The following CRISP3 variants were observed in gnomAD, a reference collection of about 807,000 sequenced individuals.
CRISP3 encodes cysteine-rich secretory protein 3.
CRISP3 carries 33 observed loss-of-function variants against 36.1 expected under a neutral mutation model. The observed-to-expected ratio is 0.91, with a 90% confidence interval of 0.69 to 1.22. CRISP3 has a LOEUF of 1.22. Ranked by LOEUF, CRISP3 falls within the 50% of genes most tolerant of loss-of-function variation. The pLI, the probability that CRISP3 is intolerant of heterozygous loss-of-function variation, is 0.00. For synonymous variants in CRISP3, 117 were observed against 104.6 expected (o/e 1.12, Z -0.72); for missense variants, 330 against 301.2 (o/e 1.10, Z -0.71).
chr6:49,743,349 A>G (rs1769254363), intron 1 of CRISP3, among the ~76,000 whole-genome samples: 1 of 152,182 alleles, frequency 6.6e-6, no homozygotes. Context: ...TAACTTATCA[A>G]TGTAGGGTAA....
At chr6:49,741,513 C>G (rs921151925) in intron 1 of CRISP3, among the ~76,000 whole-genome samples, 2 of 149,718 alleles carry the variant, frequency 1.3e-5, no homozygotes, top group Non-Finnish European at 3.0e-5. Context: ...AAGAATAATT[C>G]AAAATTAGAA....
rs560259322 is a variant in CRISP3 at position 49,731,234 on chromosome 6, C to T, written c.578G>A (p.Arg193Lys). 4 of 1,597,100 alleles carry T rather than the reference C, an allele frequency of 2.5e-6. No homozygotes were observed. The highest frequency in any genetic ancestry group is 1.2e-5 in the South Asian group (1 of 86,602). Reference protein sequence around the residue: ...QYCPAGNWANRLYVPYEQGAP... With the variant: ...QYCPAGNWANKLYVPYEQGAP... The stretch of plus-strand genomic sequence containing the variant: ...TCCTTGTTCATAAGGGACATATAGT[C>T]TATTAGCCCAATTACCACTGAAATT... Residue 193 changes from arginine to lysine, a missense_variant, in exon 7 of 8, where the codon AGA becomes AAA. By Grantham distance (26) the Arg-to-Lys change is conservative (BLOSUM62 2). Transcript: ENST00000263045.
At chr6:49,739,114 A>T (rs999070912) in intron 1 of CRISP3, among the ~76,000 whole-genome samples, 1 of 152,246 alleles carries the variant, frequency 6.6e-6, no homozygotes, top group South Asian at 2.1e-4. Flanking sequence ...AAATAACTTA[A>T]CCTGGCCCTG....
chr6:49,741,151 C>A (rs868355786), intron 1 of CRISP3, among the ~76,000 whole-genome samples: 11 of 135,414 alleles, frequency 8.1e-5, no homozygotes, highest in South Asian at 2.3e-4. Context: ...AAAAAACCAC[C>A]AAAAAAAAAA....
chr6:49,743,738 A>G (rs1417097543), intron 1 of CRISP3, among the ~76,000 whole-genome samples: 1 of 152,230 alleles, frequency 6.6e-6, no homozygotes, highest in East Asian at 1.9e-4. Context: ...CTACATAAAC[A>G]TGACTGAGTA....
At chr6:49,743,110 C>T (rs1409604545) in intron 1 of CRISP3, among the ~76,000 whole-genome samples, 1 of 152,190 alleles carries the variant, frequency 6.6e-6, no homozygotes, top group Non-Finnish European at 1.5e-5. Flanking sequence ...AACTGCTAGA[C>T]TTCATCAAGT....
intron 2 of CRISP3, 39 bp from the exon 3 acceptor site, chr6:49,736,546 T>C (rs746666353): frequency 7.1e-7 from 1 of 1,411,218 alleles, no homozygotes. Flanking sequence ...TTTAACATTG[T>C]TGGAAATTGC....
chr6:49,738,916 A>G (rs1472285347), intron 1 of CRISP3, among the ~76,000 whole-genome samples: 1 of 152,194 alleles, frequency 6.6e-6, no homozygotes, highest in Admixed American at 6.5e-5. Context: ...TGGAAGAACA[A>G]GAAAATGGGA....
intron 2 of CRISP3, 148 bp downstream of exon 2, chr6:49,737,177 T>C: frequency 1.6e-6 from 1 of 607,050 alleles, no homozygotes; most frequent in Non-Finnish European, 2.9e-6. Flanking sequence ...GCTTTAAACA[T>C]AATTATGTTA....
At chr6:49,743,080 C>A (rs1383432949) in intron 1 of CRISP3, among the ~76,000 whole-genome samples, 1 of 152,098 alleles carries the variant, frequency 6.6e-6, no homozygotes, top group Non-Finnish European at 1.5e-5. Flanking sequence ...GCAGCCTATG[C>A]CAATATGCAA....
At chr6:49,742,256 C>T (rs1379648501) in intron 1 of CRISP3, among the ~76,000 whole-genome samples, 1 of 152,116 alleles carries the variant, frequency 6.6e-6, no homozygotes, top group Non-Finnish European at 1.5e-5. Context: ...ATAAAGATAT[C>T]AATCCTAAAC....
intron 1 of CRISP3, among the ~76,000 whole-genome samples, chr6:49,743,175 G>C (rs1393443144): frequency 6.6e-6 from 1 of 152,106 alleles, no homozygotes; most frequent in Non-Finnish European, 1.5e-5. Context: ...TTCTTGAGAA[G>C]CACTTTTTTT....
chr6:49,735,524 T>A lies in CRISP3; in HGVS notation c.296A>T (p.Asn99Ile), dbSNP rs1769027366. 6.2e-7 allele frequency: 1 copy of A among 1,611,606 alleles called. No homozygotes were observed. The highest frequency in any genetic ancestry group is 1.1e-5 in the South Asian group (1 of 90,872). Residue 99 changes from asparagine (N) to isoleucine (I), a missense_variant, in exon 4 of 8, where the codon AAC (asparagine) becomes ATC (isoleucine). Asn to Ile is a moderately radical substitution (Grantham distance 149). Coordinates refer to ENST00000263045, the MANE Select transcript of CRISP3 (RefSeq NM_006061.4). ...CATACTTGTCATTCGATCCTTTGGG[T>A]TACTGTGTCTGTAATTGCACTGGTT... ...WANQCNYRHSNPKDRMTSLKC... is the reference protein window; with the variant it reads ...WANQCNYRHSIPKDRMTSLKC...
rs898345225 is a variant in CRISP3, at chr6:49,728,089, A to C, written c.*641T>G. On this transcript the variant is annotated 3_prime_UTR_variant, in exon 8 of 8. Transcript: ENST00000263045. ...GTTTTGTCAAAGAGAAGAGAGGTTT[A>C]AAAATGAAGGTTTGATCATATTCTA... 2.0e-5 allele frequency: 3 copies of C among 152,174 alleles called. No individual in the cohort carries two copies. The highest frequency in any genetic ancestry group is 7.2e-5 in the African/African-American group (3 of 41,450). 9.4% of individuals were successfully genotyped at this position (152,174 alleles called of 1,614,324 possible). A position where few individuals can be genotyped will look rare whatever the true frequency, so the allele number is the denominator to read the frequency against.
intron 1 of CRISP3, among the ~76,000 whole-genome samples, chr6:49,741,943 G>A (rs1342852470): frequency 3.4e-5 from 5 of 148,708 alleles, no homozygotes; most frequent in South Asian, 4.2e-4. Flanking sequence ...AAGAGAAGAC[G>A]TAAAATTGTT....
rs772506834 is a variant in CRISP3 at position 49,733,736 on chromosome 6, C to T, written c.429G>A (p.Lys143=). ...YNDFDFGVGP[K]TPNAVVGHYT... ...AATGTCCAACCACTGCGTTGGGAGT[C>T]TTTGGCCCTACACCAAAGTCAAAAT... The change falls in exon 5 of 8, where the codon AAG becomes AAA. Residue 143 remains lysine, a synonymous_variant. Transcript: ENST00000263045. 6 of 1,613,560 alleles carry T rather than the reference C, an allele frequency of 3.7e-6. No homozygotes were observed. The East Asian group carries it at 1.3e-4, about 36-fold the overall frequency.
intron 5 of CRISP3, 71 bp downstream of exon 5, chr6:49,733,632 G>C: frequency 4.1e-6 from 6 of 1,472,752 alleles, no homozygotes; most frequent in Non-Finnish European, 5.5e-6. Context: ...CTTGGAATCA[G>C]TCAAAATTTG....
At chr6:49,744,277 T>C in intron 1 of CRISP3, 54 bp downstream of exon 1, 1 of 1,295,308 alleles carries the variant, frequency 7.7e-7, no homozygotes, top group Admixed American at 2.1e-5. Context: ...ATAAATGTGT[T>C]GTTCACCTTG....
chr6:49,733,127 G>GTT (rs11343694), intron 6 of CRISP3, 68 bp downstream of exon 6: 9 of 899,606 alleles, frequency 1.0e-5, no homozygotes, highest in Admixed American at 2.8e-5. Context: ...ATGCTTTTTA[G>GTT]TTTTTTTTTA....
Sources: allele counts gnomAD v4.1 joint callset (sites outside exome capture counted in the v4.1 genomes callset), GRCh38; gene constraint gnomAD v4.1.1; transcripts MANE v1.5; gene names NCBI Gene and HGNC (gene_info 2026-07-23, HGNC 2026-07-21).